Variants in TAS2R42 observed in about 807,000 individuals in gnomAD.
TAS2R42 encodes the protein taste receptor type 2 member 42.
For missense variants in TAS2R42, 356 were observed against 356.9 expected (o/e 1.00, Z 0.02); for synonymous variants, 138 against 133.0 (o/e 1.04, Z -0.26).
At position 11,186,746 on chromosome 12, in the gene TAS2R42, A is replaced by C; in HGVS notation, c.192T>G (p.Phe64Leu). 1 of 1,614,112 alleles carries C rather than the reference A, an allele frequency of 6.2e-7. No homozygotes were observed. The highest frequency in any genetic ancestry group is 8.5e-7 in the Non-Finnish European group (1 of 1,179,992). Residue 64 changes from phenylalanine (F) to leucine (L), a missense_variant, in exon 1 of 1, where the codon TTT (phenylalanine) becomes TTG (leucine). Coordinates refer to ENST00000334266, the MANE Select transcript of TAS2R42 (RefSeq NM_181429.2). ...STIGQLLVILFDSFLVGLASH... is the reference protein window; with the variant it reads ...STIGQLLVILLDSFLVGLASH... The stretch of plus-strand genomic sequence containing the variant: ...AAGCAAGTCCCACTAGAAATGAATC[A>C]AACAGTATCACCAACAGTTGTCCAA...
chr12:11,186,586 G>A lies in TAS2R42; in HGVS notation c.352C>T (p.Leu118Phe). Residue 118 changes from leucine to phenylalanine, a missense_variant, in exon 1 of 1, where the codon CTT (leucine) becomes TTT (phenylalanine). Physicochemically the swap from Leu to Phe is conservative, Grantham distance 22. Transcript: ENST00000334266. ...ATCCTCCACCTCAGCCAGAGGAAAA[G>A]GGAGTGGGGGAAGTGGGCTATCTTA... ...FFKIAHFPHS[L>F]FLWLRWRMNG... The A allele has an allele frequency of 6.2e-7, 1 of 1,613,978 alleles. No individual in the cohort carries two copies. Among genetic ancestry groups the A allele is most frequent in the Non-Finnish European group, 8.5e-7 (1 of 1,179,970 alleles).
rs376310818 is a variant in TAS2R42, at chr12:11,186,244, C to T, written c.694G>A (p.Ala232Thr). Residue 232 changes from alanine to threonine, a missense_variant, in exon 1 of 1, where the codon GCC (alanine) becomes ACC (threonine). Coordinates refer to ENST00000334266, the MANE Select transcript of TAS2R42 (RefSeq NM_181429.2). ...RDSSTEAHRR[A>T]MKMVMSFLFL... Reference sequence around the variant, plus strand: ...AGGAAAGACATCACCATTTTCATGGCCCTCCTATGGGCCTCTGTGCTGGAG... The same window carrying T: ...AGGAAAGACATCACCATTTTCATGGTCCTCCTATGGGCCTCTGTGCTGGAG... The T allele has an allele frequency of 6.8e-6, 11 of 1,613,782 alleles. No homozygotes were observed. Among genetic ancestry groups the T allele is most frequent in the East Asian group, 4.5e-5 (2 of 44,874 alleles).
In TAS2R42 at chr12:11,186,868, T is replaced by C. The variant is rs746753114; in HGVS notation, c.70A>G (p.Asn24Asp). 3.7e-6 allele frequency: 6 copies of C among 1,613,774 alleles called. No homozygotes were observed. The highest frequency in any genetic ancestry group is 5.1e-6 in the Non-Finnish European group (6 of 1,179,934). Reference sequence around the variant, plus strand: ...CAGTTTACCAGTCCAATGAACACATTCCCCAGCATGCTGATGATGAATTCT... The same window carrying C: ...CAGTTTACCAGTCCAATGAACACATCCCCCAGCATGCTGATGATGAATTCT... ...IAEFIISMLG[N>D]VFIGLVNCSE... The change falls in exon 1 of 1, where the codon AAT (asparagine) becomes GAT (aspartate). Residue 24 changes from asparagine to aspartate, a missense_variant. Physicochemically the swap from Asn to Asp is conservative, Grantham distance 23. Coordinates refer to ENST00000334266, the MANE Select transcript of TAS2R42 (RefSeq NM_181429.2).
At chr12:11,186,123 GC>G in the TAS2R42 span, 3 of 1,613,774 alleles carry the variant, frequency 1.9e-6, no homozygotes, top group Admixed American at 1.7e-5. Context: ...GGCATTTAAG[GC>G]TAACATGACA....
rs1297903884 is a variant in TAS2R42 at position 11,186,639 on chromosome 12, G to T, written c.299C>A (p.Ala100Asp). The part of the protein sequence containing the change: ...HMTNHLTTWL[A>D]TCLSIFYFFK... ...GAAATAGAAAATGCTTAGGCAGGTG[G>T]CAAGCCAGGTTGTCAAGTGATTAGT... The change falls in exon 1 of 1, where the codon GCC (alanine) becomes GAC (aspartate). Residue 100 changes from alanine (A) to aspartate (D), a missense_variant. Physicochemically the swap from Ala to Asp is moderately radical, Grantham distance 126. Transcript: ENST00000334266. 1 of 1,614,046 alleles carries T rather than the reference G, an allele frequency of 6.2e-7. No individual in the cohort carries two copies. Among genetic ancestry groups the T allele is most frequent in the South Asian group, 1.1e-5 (1 of 91,076 alleles).
Sources: gnomAD v4.1 joint callset for allele counts on GRCh38, gnomAD v4.1.1 for gene constraint, MANE v1.5 for transcripts, NCBI Gene and HGNC (gene_info 2026-07-23, HGNC 2026-07-21) for gene names.